TLN2: variants seen among roughly 807,000 people sequenced by gnomAD.
TLN2 encodes talin-2.
A neutral mutation model predicts 294.7 loss-of-function variants in TLN2; 118 were observed. That is an observed-to-expected ratio of 0.40 (90% CI 0.34 to 0.47). TLN2 has a LOEUF of 0.47. Among genes scored for constraint, TLN2 ranks in the 20% least tolerant of loss-of-function variants. The probability of loss-of-function intolerance (pLI) is 0.84; values close to 1 mark genes in which losing one functional copy is unlikely to be tolerated. For missense variants in TLN2, 3,083 were observed against 3,282.2 expected, an observed-to-expected ratio of 0.94 and a Z score of 1.48; for synonymous variants, 1,431 against 1,304.5, an observed-to-expected ratio of 1.10 and a Z score of -2.09.
chr15:62,582,070 CAT>C (rs971330577), intron 1 of TLN2, among the ~76,000 whole-genome samples: 13 of 151,092 alleles, frequency 8.6e-5, no homozygotes, highest in African/African-American at 3.2e-4. Flanking sequence ...AAAAGAAAAA[CAT>C]GTGAATGGTG....
At chr15:62,685,174 T>A (rs1475598621) in intron 11 of TLN2, among the ~76,000 whole-genome samples, 4 of 152,188 alleles carry the variant, frequency 2.6e-5, no homozygotes, top group Admixed American at 2.6e-4. Context: ...TTTAAATTTT[T>A]ATTTCCTCTA....
At chr15:62,613,642 A>G (rs1047222313) in intron 2 of TLN2, among the ~76,000 whole-genome samples, 39 of 152,304 alleles carry the variant, frequency 2.6e-4, no homozygotes, top group African/African-American at 8.9e-4. Context: ...AAGGCAGGCC[A>G]TTGGATACAT....
At chr15:62,792,543 G>T in intron 45 of TLN2, 98 bp from the exon 46 acceptor site, 2 of 1,467,930 alleles carry the variant, frequency 1.4e-6, no homozygotes, top group Non-Finnish European at 9.1e-7. Context: ...TCCTAGCCAG[G>T]CTCCCATAGG....
chr15:62,679,369 G>A (rs185923596), intron 11 of TLN2, among the ~76,000 whole-genome samples: 114 of 152,298 alleles, frequency 7.5e-4, no homozygotes, highest in Non-Finnish European at 1.2e-3. Flanking sequence ...ACAACACAAC[G>A]CATCACCTGA....
chr15:62,512,419 C>G (rs1432676731), intron 1 of TLN2, among the ~76,000 whole-genome samples: 1 of 152,024 alleles, frequency 6.6e-6, no homozygotes, highest in East Asian at 1.9e-4. Context: ...ACATATTGAT[C>G]CTAAGTAGCA....
At chr15:62,435,207 A>T (rs930458632) in intron 1 of TLN2, among the ~76,000 whole-genome samples, 1 of 152,090 alleles carries the variant, frequency 6.6e-6, no homozygotes, top group Non-Finnish European at 1.5e-5. Flanking sequence ...TGCTATTGTG[A>T]ATAGTGCTGC....
chr15:62,807,730 C>G (rs1024500329), intron 51 of TLN2, among the ~76,000 whole-genome samples: 14 of 152,132 alleles, frequency 9.2e-5, no homozygotes, highest in African/African-American at 3.4e-4. Flanking sequence ...TCATCTCGAC[C>G]CTGGGATGCG....
chr15:62,451,834 C>G (rs926298588), intron 1 of TLN2, among the ~76,000 whole-genome samples: 1 of 152,182 alleles, frequency 6.6e-6, no homozygotes, highest in Non-Finnish European at 1.5e-5. Context: ...TGGTACATAT[C>G]AAGCCGCTAG....
intron 1 of TLN2, among the ~76,000 whole-genome samples, chr15:62,538,068 A>G (rs955558220): frequency 4.6e-5 from 7 of 152,116 alleles, no homozygotes; most frequent in Non-Finnish European, 1.0e-4. Context: ...CTAAAAATAC[A>G]AAAATTAGCT....
intron 3 of TLN2, among the ~76,000 whole-genome samples, chr15:62,646,566 C>T (rs188567248): frequency 8.5e-5 from 13 of 152,298 alleles, no homozygotes; most frequent in Admixed American, 6.5e-4. Context: ...CCTTTGAGAC[C>T]CCAATCACGT....
At chr15:62,462,518 C>T (rs1178423744) in intron 1 of TLN2, among the ~76,000 whole-genome samples, 1 of 152,164 alleles carries the variant, frequency 6.6e-6, no homozygotes, top group Non-Finnish European at 1.5e-5. Flanking sequence ...ATTCATCTTC[C>T]CTGGACCCTC....
chr15:62,630,297 G>GTACT (rs1432071648), intron 3 of TLN2, among the ~76,000 whole-genome samples: 1 of 152,134 alleles, frequency 6.6e-6, no homozygotes, highest in African/African-American at 2.4e-5. Flanking sequence ...GACTTCTAAG[G>GTACT]TACTTACCTT....
chr15:62,791,292 T>G (rs2065060931), intron 45 of TLN2, among the ~76,000 whole-genome samples: 1 of 152,028 alleles, frequency 6.6e-6, no homozygotes, highest in Non-Finnish European at 1.5e-5. Context: ...AGGCGGAGAT[T>G]GCAGTGAGCC....
At position 62,537,169 on chromosome 15, in the gene TLN2, C is replaced by A. The variant is rs139082080; in HGVS notation, c.-237-52518C>A. Among the ~76,000 whole-genome samples, 1,168 of 152,216 alleles carry A rather than the reference C, an allele frequency of 7.7e-3. 1 individual carries two copies. The highest frequency in any genetic ancestry group is 0.013 in the Non-Finnish European group (853 of 68,006). ...GAGTAGCTGGGACTACAGGCACCTG[C>A]CACCACGCCCGGCTAATATTTTATA... On this transcript the variant is annotated intron_variant, in intron 1 of 58. Transcript: ENST00000636159.
At chr15:62,753,111 T>C (rs1342259800) in intron 35 of TLN2, among the ~76,000 whole-genome samples, 1 of 152,232 alleles carries the variant, frequency 6.6e-6, no homozygotes, top group Non-Finnish European at 1.5e-5. Flanking sequence ...ATTTTTTCTT[T>C]TTTATTTGGC....
intron 54 of TLN2, chr15:62,831,423 A>G (rs891265663): frequency 5.3e-5 from 8 of 152,182 alleles, no homozygotes; most frequent in South Asian, 4.1e-4. Flanking sequence ...TCTTTGGCAG[A>G]ATGAATTTCC....
Position 62,772,148 on chromosome 15 carries a change from G to A in TLN2, c.5367+1014G>A, listed in dbSNP as rs560045040. Among the ~76,000 whole-genome samples the A allele has an allele frequency of 3.1e-4, 47 of 151,916 alleles. 2 individuals carry two copies. The South Asian group carries it at 9.8e-3, about 32-fold the overall frequency. ...CTTAATAAGTTAATTAGAGGTGGGG[G>A]GTCTCACTATGTTGCCCAGGCTCAT... is the stretch of plus-strand genomic sequence containing the variant. On this transcript the variant is annotated intron_variant, in intron 42 of 58. Coordinates refer to ENST00000636159, the MANE Select transcript of TLN2 (RefSeq NM_015059.3).
rs547321764 is a variant in TLN2 at position 62,441,555 on chromosome 15, C to T, written c.-238+50870C>T. Among the ~76,000 whole-genome samples the T allele has an allele frequency of 3.9e-5, 6 of 152,322 alleles. No individual in the cohort carries two copies. The South Asian group carries it at 8.3e-4, about 21-fold the overall frequency. On this transcript the variant is annotated intron_variant, in intron 1 of 58. Transcript: ENST00000636159. ...TCCATTGTCTGTTGGGGCGGGAGGA[C>T]GTTCCCCACACAAAGCAATTCTCCG...
intron 1 of TLN2, among the ~76,000 whole-genome samples, chr15:62,441,883 G>GC (rs1327306667): frequency 6.6e-6 from 1 of 152,072 alleles, no homozygotes; most frequent in Non-Finnish European, 1.5e-5. Context: ...CGGGTGGTGT[G>GC]CCCCCCTAGA....
Sources: allele counts gnomAD v4.1 joint callset (sites outside exome capture counted in the v4.1 genomes callset), GRCh38; gene constraint gnomAD v4.1.1; transcripts MANE v1.5; gene names NCBI Gene and HGNC (gene_info 2026-07-23, HGNC 2026-07-21).